CPNE7: variants seen among roughly 807,000 people sequenced by gnomAD.
CPNE7 encodes the protein copine 7, also known as copine-7.
In CPNE7, 78 loss-of-function variants were observed where a neutral mutation model predicts 66.5. That is an observed-to-expected ratio of 1.17 (90% CI 0.98 to 1.42). CPNE7 has a LOEUF of 1.42. Ranked by LOEUF, CPNE7 falls within the 40% of genes most tolerant of loss-of-function variation. CPNE7 has a pLI of 0.00. For missense variants in CPNE7, 1,012 were observed against 776.6 expected (o/e 1.30, Z -3.60); for synonymous variants, 468 against 336.7 (o/e 1.39, Z -4.27).
intron 6 of CPNE7, 64 bp from the exon 7 acceptor site, chr16:89,585,623 G>C: frequency 1.3e-6 from 2 of 1,551,086 alleles, no homozygotes; most frequent in Admixed American, 1.8e-5. Flanking sequence ...GGAGACACCT[G>C]GGCTCGGGTG....
Position 89,591,011 on chromosome 16 carries a change from C to T in CPNE7, c.1121C>T (p.Ser374Phe). 1 of 1,613,702 alleles carries T rather than the reference C, an allele frequency of 6.2e-7. No individual in the cohort carries two copies. The highest frequency in any genetic ancestry group is 8.5e-7 in the Non-Finnish European group (1 of 1,179,868). Residue 374 changes from serine to phenylalanine, a missense_variant, in exon 12 of 15, where the codon TCC (serine) becomes TTC (phenylalanine). Physicochemically the swap from Ser to Phe is radical, Grantham distance 155. Coordinates refer to ENST00000319518, the MANE Select transcript of CPNE7 (RefSeq NM_153636.3). ...GARIPPKYEV[S>F]HDFAINFNPE... Reference sequence around the variant, plus strand: ...AGCCCTCTTGTTCCCACCCAGGTGTCCCATGACTTTGCCATCAATTTCAAC... The same window carrying T: ...AGCCCTCTTGTTCCCACCCAGGTGTTCCATGACTTTGCCATCAATTTCAAC...
intron 1 of CPNE7, among the ~76,000 whole-genome samples, chr16:89,576,529 C>T (rs1425506696): frequency 1.3e-5 from 2 of 152,148 alleles, no homozygotes; most frequent in Non-Finnish European, 2.9e-5. Context: ...GTCCGGGGCT[C>T]CCGCTCCAAC....
chr16:89,580,880 A>C (rs577639183), intron 2 of CPNE7, among the ~76,000 whole-genome samples: 1 of 123,102 alleles, frequency 8.1e-6, no homozygotes, highest in Admixed American at 8.2e-5. Flanking sequence ...GGAACATGCC[A>C]TCACCCGTCA....
At chr16:89,581,117 C>T (rs2058950775) in intron 2 of CPNE7, among the ~76,000 whole-genome samples, 1 of 149,682 alleles carries the variant, frequency 6.7e-6, no homozygotes, top group Admixed American at 6.6e-5. Flanking sequence ...AACATCTCAC[C>T]AATCACACAG....
At chr16:89,579,605 A>G (rs931683993) in intron 2 of CPNE7, among the ~76,000 whole-genome samples, 2 of 151,028 alleles carry the variant, frequency 1.3e-5, no homozygotes, top group Admixed American at 1.3e-4. Context: ...ACATCCCTTC[A>G]CCCATCACAC....
rs369507563 is a variant in CPNE7 at position 89,585,508 on chromosome 16, C to G, written c.636C>G (p.Val212=). ...NLNPVWEAFK[V]SLSSLCSCEE... is the part of the protein sequence containing the mutation. ...ACCCGGTGTGGGAGGCCTTCAAAGT[C>G]TCTCTGAGTTCCCTCTGCAGCTGCG... Residue 212 remains valine, a synonymous_variant, in exon 6 of 15, where the codon GTC becomes GTG. Transcript: ENST00000319518. 19 of 1,612,250 alleles carry G rather than the reference C, an allele frequency of 1.2e-5. No individual in the cohort carries two copies. The East Asian group carries it at 1.3e-4, about 11-fold the overall frequency.
In CPNE7 at chr16:89,575,837, G is replaced by GCGC. The variant is rs1169629439; in HGVS notation, c.-58_-56dup. 7 of 1,121,034 alleles carry GCGC rather than the reference G, an allele frequency of 6.2e-6. No individual in the cohort carries two copies. Among genetic ancestry groups the GCGC allele is most frequent in the Non-Finnish European group, 6.6e-6 (6 of 913,526 alleles). 69.4% of individuals were successfully genotyped at this position (1,121,034 alleles called of 1,614,324 possible). A position where few individuals can be genotyped will look rare whatever the true frequency, so the allele number is the denominator to read the frequency against. ...CCACCATTTCCCGGGCGCCGCGGCG[G>GCGC]CGCCGACTCGCGGGCAGCGGCCCCT... On this transcript the variant is annotated 5_prime_UTR_variant, in exon 1 of 15. Transcript: ENST00000319518.
At position 89,589,890 on chromosome 16, in the gene CPNE7, C is replaced by A; in HGVS notation, c.1062-7C>A. ...GGCCTCCTGGTGACCTCCTGCCTCT[C>A]TTCCAGTGACAAGAGGTTTTCCGCT... On this transcript the variant is annotated splice_region_variant and splice_polypyrimidine_tract_variant and intron_variant, in intron 10 of 14. Transcript: ENST00000319518. The A allele has an allele frequency of 6.2e-7, 1 of 1,613,752 alleles. No individual in the cohort carries two copies. Among genetic ancestry groups the A allele is most frequent in the Non-Finnish European group, 8.5e-7 (1 of 1,179,956 alleles).
rs977462063 is a variant in CPNE7, at chr16:89,588,944, C to T, written c.1061+136C>T. The T allele has an allele frequency of 1.5e-5, 16 of 1,060,686 alleles. No individual in the cohort carries two copies. In the Admixed American group the frequency reaches 2.7e-4, roughly 18 times the overall value. The allele number at this position is 1,060,686 out of a possible 1,614,324, so 65.7% of individuals were successfully genotyped here. On this transcript the variant is annotated intron_variant, in intron 10 of 14. Coordinates refer to ENST00000319518, the MANE Select transcript of CPNE7 (RefSeq NM_153636.3). ...CACCCGGCCGGTTTTCCCTCACCCC[C>T]CTGGGCTCCAGGTCAGGCCTCGGGG... is the stretch of plus-strand genomic sequence containing the variant.
intron 2 of CPNE7, among the ~76,000 whole-genome samples, chr16:89,580,514 C>T (rs2058937196): frequency 6.9e-6 from 1 of 145,486 alleles, no homozygotes; most frequent in African/African-American, 2.5e-5. Flanking sequence ...ACATCTCACC[C>T]GTCACACGGA....
At chr16:89,576,693 C>G in intron 1 of CPNE7, among the ~76,000 whole-genome samples, 1 of 152,152 alleles carries the variant, frequency 6.6e-6, no homozygotes. Flanking sequence ...CCGCAGCGGG[C>G]GGAGGAGCCG....
chr16:89,577,808 A>G lies in CPNE7; in HGVS notation c.357+87A>G, dbSNP rs1184350509. 4.2e-6 allele frequency: 6 copies of G among 1,425,600 alleles called. No homozygotes were observed. In the East Asian group the frequency reaches 1.5e-4, roughly 35 times the overall value. The allele number at this position is 1,425,600 out of a possible 1,614,324, so 88.3% of individuals were successfully genotyped here. On this transcript the variant is annotated intron_variant, in intron 2 of 14. Coordinates refer to ENST00000319518, the MANE Select transcript of CPNE7 (RefSeq NM_153636.3). The stretch of plus-strand genomic sequence containing the variant: ...AGGCTGATGTACCAGCACCGCAGGG[A>G]CCCTGCTGGGGTGGCCAACCTGGCT...
intron 2 of CPNE7, among the ~76,000 whole-genome samples, chr16:89,578,057 T>C (rs1567950925): frequency 2.4e-5 from 3 of 126,256 alleles, no homozygotes; most frequent in Non-Finnish European, 3.3e-5. Flanking sequence ...TTTTTCTTTT[T>C]TTTCTTTTTC....
chr16:89,593,489 A>G lies in CPNE7; in HGVS notation c.1303-1878A>G, dbSNP rs370649445. On this transcript the variant is annotated intron_variant, in intron 13 of 14. Transcript: ENST00000319518. ...TGCCTCAGCCTCCCAAATAGCTGGG[A>G]CTACAGGCGCCCGCCACCACGCCCG... is the stretch of plus-strand genomic sequence containing the variant. Among the ~76,000 whole-genome samples the G allele has an allele frequency of 3.0e-4, 46 of 151,928 alleles. 1 individual carries two copies. Among genetic ancestry groups the G allele is most frequent in the African/African-American group, 1.1e-3 (44 of 41,422 alleles).
chr16:89,585,685 AGT>A lies in CPNE7; in HGVS notation c.682_683del (p.Cys228ProfsTer29). The stretch of plus-strand genomic sequence containing the variant: ...AGTGCTGAGGAGGACTGGGCTCCCC[AGT>A]GCCTGGTCTGGGATTACGACTCTCG... On this transcript the variant is annotated splice_acceptor_variant and coding_sequence_variant, in exon 7 of 15. Transcript: ENST00000319518. LOFTEE classifies it high-confidence loss of function. The A allele has an allele frequency of 2.6e-6, 4 of 1,553,282 alleles. No homozygotes were observed. The highest frequency in any genetic ancestry group is 3.5e-6 in the Non-Finnish European group (4 of 1,148,074).
In CPNE7 at chr16:89,585,499, C is replaced by T; in HGVS notation, c.627C>T (p.Ala209=). Residue 209 remains alanine (A), a synonymous_variant, in exon 6 of 15, where the codon GCC becomes GCT. Transcript: ENST00000319518. ...VKNNLNPVWE[A]FKVSLSSLCS... ...ACAACCTGAACCCGGTGTGGGAGGC[C>T]TTCAAAGTCTCTCTGAGTTCCCTCT... 1.9e-5 allele frequency: 30 copies of T among 1,612,286 alleles called. No individual in the cohort carries two copies. Among genetic ancestry groups the T allele is most frequent in the East Asian group, 4.5e-5 (2 of 44,776 alleles).
chr16:89,586,623 T>A (rs369050272), intron 7 of CPNE7, 47 bp from the exon 8 acceptor site: 134 of 1,484,950 alleles, frequency 9.0e-5, no homozygotes, highest in Non-Finnish European at 1.2e-4. Context: ...CCCTGGTAGG[T>A]GTTCAGAGCC....
Position 89,584,136 on chromosome 16 carries a change from C to G in CPNE7, c.507+34C>G. 6.3e-7 allele frequency: 1 copy of G among 1,592,494 alleles called. No homozygotes were observed. The highest frequency in any genetic ancestry group is 8.5e-7 in the Non-Finnish European group (1 of 1,170,616). On this transcript the variant is annotated intron_variant, in intron 4 of 14. Coordinates refer to ENST00000319518, the MANE Select transcript of CPNE7 (RefSeq NM_153636.3). The surrounding 1 kb of genome is among the most constrained non-coding windows in gnomAD (Gnocchi z 6.0). ...AGGTGCCGGGCACGCCTGGCTCAGG[C>G]TGAGGTCCGGGAACCGGTTCGAAAA...
At chr16:89,583,492 G>T in intron 2 of CPNE7, 1 of 1,555,294 alleles carries the variant, frequency 6.4e-7, no homozygotes, top group Non-Finnish European at 8.7e-7. Context: ...CCGTGAGGTG[G>T]TGGACGTGCA....
Sources: gnomAD v4.1 joint callset for allele counts (sites outside exome capture counted in the v4.1 genomes callset) on GRCh38, gnomAD v4.1.1 for gene constraint, Gnocchi (gnomAD v3.1) non-coding constraint, MANE v1.5 for transcripts, NCBI Gene and HGNC (gene_info 2026-07-23, HGNC 2026-07-21) for gene names.